Variants in B3GALT1 observed in about 807,000 individuals in gnomAD.
B3GALT1 encodes UDP-Gal:betaGlcNAc beta 1,3-galactosyltransferase, polypeptide 1.
In B3GALT1, 10 loss-of-function variants were observed where a neutral mutation model predicts 23.2. The observed-to-expected ratio is 0.43, with a 90% CI of 0.27 to 0.73. The LOEUF (loss-of-function observed/expected upper bound fraction) is 0.73, where lower values mean the gene tolerates loss of function less well. Ranked by LOEUF, B3GALT1 falls within the 30% of genes least tolerant of loss-of-function variation. B3GALT1 has a pLI of 0.21. For synonymous variants in B3GALT1, 156 were observed against 141.5 expected, an observed-to-expected ratio of 1.10 and a Z score of -0.73; for missense variants, 299 against 405.4, an observed-to-expected ratio of 0.74 and a Z score of 2.25.
At chr2:167,737,052 G>A (rs1163057658) in intron 3 of B3GALT1, among the ~76,000 whole-genome samples, 2 of 151,556 alleles carry the variant, frequency 1.3e-5, no homozygotes, top group East Asian at 3.9e-4. Context: ...TTCAAGCAAT[G>A]CAGATTTTAA....
chr2:167,415,383 G>A (rs1698453108), intron 1 of B3GALT1, among the ~76,000 whole-genome samples: 1 of 152,166 alleles, frequency 6.6e-6, no homozygotes, highest in Non-Finnish European at 1.5e-5. Context: ...CCTTGACCTT[G>A]TACTTCTTAG....
intron 1 of B3GALT1, among the ~76,000 whole-genome samples, chr2:167,455,759 T>G (rs1384980946): frequency 6.6e-6 from 1 of 152,180 alleles, no homozygotes; most frequent in Non-Finnish European, 1.5e-5. Context: ...GCTATCCGCC[T>G]GCCTAAGCCT....
At chr2:167,570,609 A>AT (rs1401320842) in intron 2 of B3GALT1, among the ~76,000 whole-genome samples, 1 of 151,974 alleles carries the variant, frequency 6.6e-6, no homozygotes, top group Non-Finnish European at 1.5e-5. Flanking sequence ...AATACTCAGC[A>AT]TTTTTTTAGC....
At chr2:167,700,930 C>G (rs1438850300) in intron 3 of B3GALT1, among the ~76,000 whole-genome samples, 1 of 152,162 alleles carries the variant, frequency 6.6e-6, no homozygotes, top group African/African-American at 2.4e-5. Context: ...CGTGATTCAA[C>G]AGATTGTACT....
chr2:167,394,013 A>G (rs78618741), intron 1 of B3GALT1, among the ~76,000 whole-genome samples: 2,520 of 152,312 alleles, frequency 0.017, 17 homozygotes, highest in Non-Finnish European at 0.025. Context: ...AAACGTCTCA[A>G]TTTTGTTCCA....
chr2:167,719,712 C>T (rs1317123130), intron 3 of B3GALT1, among the ~76,000 whole-genome samples: 1 of 152,202 alleles, frequency 6.6e-6, no homozygotes. Context: ...GCAGGCAGAT[C>T]AAGAGGTCAG....
At chr2:167,699,992 C>T (rs559034977) in intron 3 of B3GALT1, among the ~76,000 whole-genome samples, 3 of 152,296 alleles carry the variant, frequency 2.0e-5, no homozygotes, top group South Asian at 2.1e-4. Flanking sequence ...GGATTACAGG[C>T]GTGAGCCACC....
intron 1 of B3GALT1, among the ~76,000 whole-genome samples, chr2:167,354,865 A>G (rs1476005803): frequency 2.0e-5 from 3 of 152,128 alleles, no homozygotes; most frequent in South Asian, 4.1e-4. Flanking sequence ...TAATTCTAAC[A>G]TATTTTTCAT....
chr2:167,305,259 G>A lies in B3GALT1; in HGVS notation c.-511+11925G>A, dbSNP rs370468281. Among the ~76,000 whole-genome samples, 9 of 151,946 alleles carry A rather than the reference G, an allele frequency of 5.9e-5. No individual in the cohort carries two copies. In the East Asian group the frequency reaches 9.7e-4, roughly 16 times the overall value. ...AGTTGTTAATATATATATATATTTT[G>A]CTTCCTGATTTTTAAACACAGCAAT... On this transcript the variant is annotated intron_variant, in intron 1 of 4. Coordinates refer to ENST00000392690, the MANE Select transcript of B3GALT1 (RefSeq NM_020981.4).
intron 1 of B3GALT1, among the ~76,000 whole-genome samples, chr2:167,338,777 G>A (rs1040604353): frequency 2.0e-5 from 3 of 151,932 alleles, no homozygotes; most frequent in Admixed American, 6.6e-5. Flanking sequence ...ATGTCTGCAC[G>A]TTAAGAGGCC....
intron 2 of B3GALT1, among the ~76,000 whole-genome samples, chr2:167,622,757 A>G (rs573236030): frequency 4.4e-4 from 67 of 152,256 alleles, no homozygotes; most frequent in South Asian, 2.3e-3. Context: ...AATATTCAAC[A>G]TTAAGATATG....
At chr2:167,375,554 C>T (rs2689834) in intron 1 of B3GALT1, among the ~76,000 whole-genome samples, 65,947 of 151,922 alleles carry the variant, frequency 0.43, 18,334 homozygotes, top group Non-Finnish European at 0.62. Context: ...AGATCTATCA[C>T]CTCCTTGGTT....
intron 3 of B3GALT1, among the ~76,000 whole-genome samples, chr2:167,672,148 T>G (rs1248249586): frequency 6.6e-6 from 1 of 152,110 alleles, no homozygotes; most frequent in African/African-American, 2.4e-5. Context: ...TAACCTGAAA[T>G]TTTTCAGAAA....
chr2:167,813,521 T>C (rs373043692), intron 3 of B3GALT1, among the ~76,000 whole-genome samples: 3 of 152,346 alleles, frequency 2.0e-5, no homozygotes, highest in African/African-American at 7.2e-5. Flanking sequence ...TTATGCCTAT[T>C]TATTTCTTTT....
chr2:167,807,563 TC>T lies in B3GALT1; in HGVS notation c.-351-11108del, dbSNP rs928505026. Among the ~76,000 whole-genome samples, 343 of 152,032 alleles carry T rather than the reference TC, an allele frequency of 2.3e-3. 3 individuals carry two copies. The highest frequency in any genetic ancestry group is 7.7e-3 in the African/African-American group (316 of 41,294). Reference sequence around the variant, plus strand: ...GAACATCTTTATTTCTGCCTTCATTTCGTTATGTACCCAGTAGTCATTCTGG... The same window carrying T: ...GAACATCTTTATTTCTGCCTTCATTTGTTATGTACCCAGTAGTCATTCTGG... On this transcript the variant is annotated intron_variant, in intron 3 of 4. Coordinates refer to ENST00000392690, the MANE Select transcript of B3GALT1 (RefSeq NM_020981.4).
intron 4 of B3GALT1, among the ~76,000 whole-genome samples, chr2:167,820,412 T>A (rs1048836573): frequency 6.6e-6 from 1 of 152,120 alleles, no homozygotes; most frequent in African/African-American, 2.4e-5. Context: ...GGCTATGGGA[T>A]GTGGGATGAC....
At chr2:167,761,907 A>C (rs1484650943) in intron 3 of B3GALT1, among the ~76,000 whole-genome samples, 1 of 152,114 alleles carries the variant, frequency 6.6e-6, no homozygotes, top group African/African-American at 2.4e-5. Context: ...GTTCTAAATA[A>C]CTCACCTCTT....
At chr2:167,452,539 A>C (rs777680229) in intron 1 of B3GALT1, among the ~76,000 whole-genome samples, 2 of 152,108 alleles carry the variant, frequency 1.3e-5, no homozygotes, top group Non-Finnish European at 2.9e-5. Flanking sequence ...TTGGGCACTC[A>C]CAGTTCTCAG....
At chr2:167,507,631 A>G (rs915990552) in intron 2 of B3GALT1, among the ~76,000 whole-genome samples, 1 of 152,040 alleles carries the variant, frequency 6.6e-6, no homozygotes, top group Non-Finnish European at 1.5e-5. Context: ...TTGGGGGAAA[A>G]TTACACTAAT....
Sources: gnomAD v4.1 joint callset for allele counts (sites outside exome capture counted in the v4.1 genomes callset) on GRCh38, gnomAD v4.1.1 for gene constraint, MANE v1.5 for transcripts, NCBI Gene and HGNC (gene_info 2026-07-23, HGNC 2026-07-21) for gene names.